PEX10: variants seen among roughly 807,000 people sequenced by gnomAD.
PEX10 encodes peroxisome biogenesis factor 10.
In PEX10, 32 loss-of-function variants were observed where a neutral mutation model predicts 38.0. That is an observed-to-expected ratio of 0.84 (90% CI 0.63 to 1.13). The LOEUF is 1.13. PEX10 is among the 50% of genes most tolerant of loss of function. The pLI is 0.00. For synonymous variants in PEX10, 206 were observed against 207.3 expected, an observed-to-expected ratio of 0.99 and a Z score of 0.05; for missense variants, 483 against 457.7, an observed-to-expected ratio of 1.06 and a Z score of -0.51.
At chr1:2,412,349 C>T in intron 1 of PEX10, 42 bp downstream of exon 1, 3 of 1,348,396 alleles carry the variant, frequency 2.2e-6, no homozygotes, top group Non-Finnish European at 2.8e-6. Context: ...GCAACACCCC[C>T]TGGGCCGCTC....
chr1:2,410,225 A>G lies in PEX10; in HGVS notation c.193+146T>C. ...GGAGCAGATGCCTCGCCTCCCTCGG[A>G]GCAGTACCTCCTGCACTTCCCTGAA... On this transcript the variant is annotated intron_variant, in intron 2 of 5. Coordinates refer to ENST00000447513, the MANE Select transcript of PEX10 (RefSeq NM_002617.4). This position sits in a 1 kb window ranked among gnomAD's most constrained non-coding sequence, Gnocchi z 5.1. The G allele has an allele frequency of 1.4e-6, 1 of 722,972 alleles. No homozygotes were observed. Among genetic ancestry groups the G allele is most frequent in the South Asian group, 1.5e-5 (1 of 67,282 alleles). The allele number at this position is 722,972 out of a possible 1,614,324, so 44.8% of individuals were successfully genotyped here.
chr1:2,408,326 A>T (rs1385966417), intron 3 of PEX10, 126 bp downstream of exon 3: 2 of 1,059,046 alleles, frequency 1.9e-6, no homozygotes, highest in African/African-American at 1.6e-5. Flanking sequence ...CTGCCTTGAC[A>T]CAGATGCTGG....
chr1:2,412,400 T>A lies in PEX10; in HGVS notation c.103A>T (p.Ser35Cys). ...CGCGCCCGGCCCTCACCCGCCAGGC[T>A]GTGCAGGGCGCCGCCCGCCGCGCTC... ...LRSAAGGALHSLAGARKWLEW... is the reference protein window; with the variant it reads ...LRSAAGGALHCLAGARKWLEW... The change falls in exon 1 of 6, where the codon AGC becomes TGC. Residue 35 changes from serine (S) to cysteine (C), a missense_variant. By Grantham distance (112) the Ser-to-Cys change is moderately radical. Coordinates refer to ENST00000447513, the MANE Select transcript of PEX10 (RefSeq NM_002617.4). The A allele has an allele frequency of 1.4e-6, 2 of 1,395,302 alleles. No homozygotes were observed. The highest frequency in any genetic ancestry group is 1.9e-6 in the Non-Finnish European group (2 of 1,079,704). 86.4% of individuals were successfully genotyped at this position (1,395,302 alleles called of 1,614,324 possible). A position where few individuals can be genotyped will look rare whatever the true frequency, so the allele number is the denominator to read the frequency against.
In PEX10 at chr1:2,409,274, G is replaced by C. The variant is rs1242200779; in HGVS notation, c.194-416C>G. ...TTTATGCCCAGCCTGGACCTTACTT[G>C]TGAGTGCCAGCCATGCAGGTCCGCC... On this transcript the variant is annotated intron_variant, in intron 2 of 5. Coordinates refer to ENST00000447513, the MANE Select transcript of PEX10 (RefSeq NM_002617.4). The surrounding 1 kb of genome is among the most constrained non-coding windows in gnomAD (Gnocchi z 6.2). Among the ~76,000 whole-genome samples, 1 of 152,066 alleles carries C rather than the reference G, an allele frequency of 6.6e-6. No individual in the cohort carries two copies. The highest frequency in any genetic ancestry group is 1.5e-5 in the Non-Finnish European group (1 of 68,018).
At chr1:2,411,525 AC>A (rs948519240) in intron 1 of PEX10, among the ~76,000 whole-genome samples, 3 of 145,270 alleles carry the variant, frequency 2.1e-5, no homozygotes, top group East Asian at 2.0e-4. Flanking sequence ...GAGCCACCAC[AC>A]CCGGCATCTT....
chr1:2,408,876 G>A lies in PEX10; in HGVS notation c.194-18C>T, dbSNP rs1183685377. ...CTGGTAGCCTGCGAGGAAGAGGATG[G>A]GTATGTGGACCCTGAGACTGCTGCC... On this transcript the variant is annotated intron_variant, in intron 2 of 5. Transcript: ENST00000447513. The A allele has an allele frequency of 3.1e-6, 5 of 1,613,410 alleles. No individual in the cohort carries two copies. The highest frequency in any genetic ancestry group is 2.5e-6 in the Non-Finnish European group (3 of 1,179,570).
intron 3 of PEX10, 60 bp downstream of exon 3, chr1:2,408,392 A>G: frequency 6.3e-7 from 1 of 1,582,168 alleles, no homozygotes; most frequent in East Asian, 2.2e-5. Flanking sequence ...CATGCACCCA[A>G]GTCCAGTGGG....
intron 2 of PEX10, 75 bp from the exon 3 acceptor site, chr1:2,408,933 C>T (rs1227615697): frequency 7.6e-6 from 11 of 1,439,066 alleles, no homozygotes; most frequent in Admixed American, 3.6e-5. Context: ...CCCTGCCAGC[C>T]GACCCTCTGC....
chr1:2,411,600 C>T (rs1302941559), intron 1 of PEX10, among the ~76,000 whole-genome samples: 1 of 152,014 alleles, frequency 6.6e-6, no homozygotes, highest in Non-Finnish European at 1.5e-5. Flanking sequence ...AGTGCAGCGG[C>T]ACAATCATGG....
Position 2,412,487 on chromosome 1 carries a change from C to T in PEX10, c.16G>A (p.Ala6Thr). 1.5e-6 allele frequency: 2 copies of T among 1,377,676 alleles called. No individual in the cohort carries two copies. The highest frequency in any genetic ancestry group is 1.6e-5 in the South Asian group (1 of 60,956). The allele number at this position is 1,377,676 out of a possible 1,614,324, so 85.3% of individuals were successfully genotyped here. The change falls in exon 1 of 6, where the codon GCC becomes ACC. Residue 6 changes from alanine to threonine, a missense_variant. Ala to Thr is a moderately conservative substitution (Grantham distance 58, BLOSUM62 0). Transcript: ENST00000447513. Reference protein sequence around the residue: MAPAAASPPEVIRAAQ... With the variant: MAPAATSPPEVIRAAQ... Reference sequence around the variant, plus strand: ...GCGCGGATCACCTCCGGGGGGCTGGCGGCGGCCGGGGCCATGGCCGCGGGT... The same window carrying T: ...GCGCGGATCACCTCCGGGGGGCTGGTGGCGGCCGGGGCCATGGCCGCGGGT...
chr1:2,408,218 G>C (rs933712519), intron 3 of PEX10, among the ~76,000 whole-genome samples: 1 of 152,160 alleles, frequency 6.6e-6, no homozygotes, highest in Non-Finnish European at 1.5e-5. Context: ...GCTGCAGCAG[G>C]AGTTCATTCT....
Position 2,410,290 on chromosome 1 carries a change from G to C in PEX10, c.193+81C>G. 8.0e-7 allele frequency: 1 copy of C among 1,246,500 alleles called. No homozygotes were observed. The highest frequency in any genetic ancestry group is 2.3e-5 in the East Asian group (1 of 42,790). 77.2% of individuals were successfully genotyped at this position (1,246,500 alleles called of 1,614,324 possible). A position where few individuals can be genotyped will look rare whatever the true frequency, so the allele number is the denominator to read the frequency against. On this transcript the variant is annotated intron_variant, in intron 2 of 5. Transcript: ENST00000447513. This position sits in a 1 kb window ranked among gnomAD's most constrained non-coding sequence, Gnocchi z 5.1. ...GCCAGCTCCAGGAGCTTCTCACACTGCCTGGCAGCCCCCTGGCCACCGTCC... is the reference window on the plus strand; with the variant it reads ...GCCAGCTCCAGGAGCTTCTCACACTCCCTGGCAGCCCCCTGGCCACCGTCC...
At position 2,412,537 on chromosome 1, in the gene PEX10, C is replaced by A; in HGVS notation, c.-35G>T. 7.7e-7 allele frequency: 1 copy of A among 1,300,944 alleles called. No homozygotes were observed. The highest frequency in any genetic ancestry group is 9.8e-7 in the Non-Finnish European group (1 of 1,024,178). 80.6% of individuals were successfully genotyped at this position (1,300,944 alleles called of 1,614,324 possible). On this transcript the variant is annotated 5_prime_UTR_variant, in exon 1 of 6. Transcript: ENST00000447513. ...TTCGGGTGGTCCCGAGCAGCCACGCCGGCCACGCCCACGCCCAGACGGGCG... is the reference window on the plus strand; with the variant it reads ...TTCGGGTGGTCCCGAGCAGCCACGCAGGCCACGCCCACGCCCAGACGGGCG...
chr1:2,407,662 C>T (rs1164778768), intron 3 of PEX10, among the ~76,000 whole-genome samples: 2 of 152,158 alleles, frequency 1.3e-5, no homozygotes, highest in Non-Finnish European at 2.9e-5. Context: ...ACGCTGAGGA[C>T]GAAGACCTGA....
chr1:2,406,570 A>C lies in PEX10; in HGVS notation c.826T>G (p.Cys276Gly). 6.2e-7 allele frequency: 1 copy of C among 1,613,356 alleles called. No individual in the cohort carries two copies. The highest frequency in any genetic ancestry group is 1.1e-5 in the South Asian group (1 of 91,082). The change falls in exon 5 of 6, where the codon TGC becomes GGC. Residue 276 changes from cysteine (C) to glycine (G), a missense_variant. Cys to Gly is a radical substitution (Grantham distance 159). Coordinates refer to ENST00000447513, the MANE Select transcript of PEX10 (RefSeq NM_002617.4). ...GTTGGGTGCCTGCGCTCCTCCAGGC[A>C]CAGGGTGCACAGGGGGTTTCTGGAA... is the stretch of plus-strand genomic sequence containing the variant. ...AVSRNPLCTL[C>G]LEERRHPTAT...
Position 2,405,650 on chromosome 1 carries a change from G to C in PEX10, c.*116C>G, listed in dbSNP as rs1426570098. The C allele has an allele frequency of 1.0e-6, 1 of 965,096 alleles. No individual in the cohort carries two copies. The highest frequency in any genetic ancestry group is 2.6e-5 in the East Asian group (1 of 38,260). The allele number at this position is 965,096 out of a possible 1,614,324, so 59.8% of individuals were successfully genotyped here. On this transcript the variant is annotated 3_prime_UTR_variant, in exon 6 of 6. Transcript: ENST00000447513. ...GGGTGGCTAGGTTAGTATCTTACAT[G>C]ACAAAAAACTGAGAGTGTTCTAACT...
chr1:2,410,316 C>T lies in PEX10; in HGVS notation c.193+55G>A. On this transcript the variant is annotated intron_variant, in intron 2 of 5. Coordinates refer to ENST00000447513, the MANE Select transcript of PEX10 (RefSeq NM_002617.4). This position sits in a 1 kb window ranked among gnomAD's most constrained non-coding sequence, Gnocchi z 5.1. ...CCTGGCAGCCCCCTGGCCACCGTCCCCAGACTTGGTGTGTGTGGCTGCCCT... is the reference window on the plus strand; with the variant it reads ...CCTGGCAGCCCCCTGGCCACCGTCCTCAGACTTGGTGTGTGTGGCTGCCCT... The T allele has an allele frequency of 2.0e-6, 3 of 1,497,352 alleles. No individual in the cohort carries two copies. Among genetic ancestry groups the T allele is most frequent in the South Asian group, 1.1e-5 (1 of 88,550 alleles). 92.8% of individuals were successfully genotyped at this position (1,497,352 alleles called of 1,614,324 possible).
chr1:2,406,318 C>T (rs938263824), intron 5 of PEX10, among the ~76,000 whole-genome samples, 166 bp downstream of exon 5: 7 of 152,338 alleles, frequency 4.6e-5, no homozygotes, highest in East Asian at 1.9e-4. Flanking sequence ...ACCCCCTCAA[C>T]GAACCCACAT....
intron 1 of PEX10, among the ~76,000 whole-genome samples, chr1:2,411,363 G>C (rs149985150): frequency 6.6e-6 from 1 of 151,000 alleles, no homozygotes; most frequent in African/African-American, 2.4e-5. Context: ...CTCCCAAGTA[G>C]CTGGGATTAC....
Sources: gnomAD v4.1 joint callset for allele counts (sites outside exome capture counted in the v4.1 genomes callset) on GRCh38, gnomAD v4.1.1 for gene constraint, Gnocchi (gnomAD v3.1) non-coding constraint, MANE v1.5 for transcripts, NCBI Gene and HGNC (gene_info 2026-07-23, HGNC 2026-07-21) for gene names.